KANK1: variants seen among roughly 807,000 people sequenced by gnomAD.
The protein encoded by KANK1 is KN motif and ankyrin repeat domain-containing protein 1.
Under a neutral mutation model 106.2 loss-of-function variants are expected in KANK1, and 109 were observed. The observed-to-expected ratio is 1.03, with a 90% CI of 0.88 to 1.20. The LOEUF (loss-of-function observed/expected upper bound fraction) is 1.20. KANK1 is among the 50% of genes most tolerant of loss of function. The pLI, the probability that KANK1 is intolerant of heterozygous loss-of-function variation, is 0.00. For synonymous variants in KANK1, 873 were observed against 652.2 expected, an observed-to-expected ratio of 1.34 and a Z score of -5.16; for missense variants, 2,399 against 1,710.7, an observed-to-expected ratio of 1.40 and a Z score of -7.10.
At chr9:551,443 C>T (rs1252935800) in intron 1 of KANK1, among the ~76,000 whole-genome samples, 29 of 152,012 alleles carry the variant, frequency 1.9e-4, no homozygotes, top group Admixed American at 1.8e-3. Flanking sequence ...TTTCTTGATT[C>T]TGCCTTTGGA....
intron 2 of KANK1, chr9:685,549 C>G (rs1013068688): frequency 3.9e-5 from 6 of 152,186 alleles, no homozygotes; most frequent in African/African-American, 1.4e-4. Context: ...CCAGATTTGC[C>G]TGATCCCTGA....
At chr9:474,639 C>G (rs1405155218) in intron 3 of KANK1, among the ~76,000 whole-genome samples, 1 of 152,190 alleles carries the variant, frequency 6.6e-6, no homozygotes, top group Admixed American at 6.5e-5. Flanking sequence ...TCCCTCCACT[C>G]TCCCATTATC....
At chr9:626,549 TAGG>T (rs1181979408) in intron 1 of KANK1, among the ~76,000 whole-genome samples, 2 of 152,220 alleles carry the variant, frequency 1.3e-5, no homozygotes, top group Admixed American at 6.5e-5. Flanking sequence ...AATTTTCACT[TAGG>T]AGGAGGCTGT....
At chr9:581,755 C>T (rs1822210310) in intron 1 of KANK1, among the ~76,000 whole-genome samples, 2 of 152,158 alleles carry the variant, frequency 1.3e-5, no homozygotes, top group African/African-American at 4.8e-5. Context: ...GTCATGATGT[C>T]AGGAAGGCCT....
intron 1 of KANK1, among the ~76,000 whole-genome samples, chr9:662,612 T>A (rs1278970626): frequency 1.3e-5 from 2 of 151,854 alleles, no homozygotes; most frequent in African/African-American, 4.8e-5. Flanking sequence ...ACTGGCTAAC[T>A]ATATTTAGAA....
chr9:668,348 A>ATCTC (rs35261485), intron 1 of KANK1, among the ~76,000 whole-genome samples: 127,359 of 151,450 alleles, frequency 0.84, 53,659 homozygotes, highest in East Asian at 0.97. Flanking sequence ...TTGTATTATA[A>ATCTC]TCTCTCTCTC....
intron 1 of KANK1, among the ~76,000 whole-genome samples, chr9:615,136 T>C (rs1056151339): frequency 6.6e-6 from 1 of 152,164 alleles, no homozygotes; most frequent in African/African-American, 2.4e-5. Flanking sequence ...GGTCTCCCTG[T>C]GTTGCCCAGA....
intron 2 of KANK1, among the ~76,000 whole-genome samples, chr9:688,889 G>A (rs565517088): frequency 6.6e-6 from 1 of 152,300 alleles, no homozygotes; most frequent in African/African-American, 2.4e-5. Flanking sequence ...ACCTGAGCTG[G>A]TAGCCCCTGG....
chr9:671,902 C>G (rs10815457), intron 1 of KANK1, among the ~76,000 whole-genome samples: 1 of 151,378 alleles, frequency 6.6e-6, no homozygotes, highest in Non-Finnish European at 1.5e-5. Flanking sequence ...GAGCTGAGAT[C>G]GCGCCACTGC....
At chr9:669,908 GTATAA>G (rs745438617) in intron 1 of KANK1, among the ~76,000 whole-genome samples, 3 of 152,006 alleles carry the variant, frequency 2.0e-5, no homozygotes, top group East Asian at 3.9e-4. Context: ...GGCAATCTTT[GTATAA>G]TATATTTCCA....
In KANK1 at chr9:725,308, C is replaced by T. The variant is rs762134545; in HGVS notation, c.2699-4743C>T. ...AGGAGTTTGAGGCCAGGCTAACCAA[C>T]ATGGTAAAACTCAGTCTCTACTAAA... On this transcript the variant is annotated intron_variant, in intron 3 of 11. Transcript: ENST00000382297. Among the ~76,000 whole-genome samples, 7 of 152,048 alleles carry T rather than the reference C, an allele frequency of 4.6e-5. No homozygotes were observed. In the South Asian group the frequency reaches 6.2e-4, roughly 14 times the overall value.
intron 1 of KANK1, among the ~76,000 whole-genome samples, chr9:575,041 A>G (rs1388510163): frequency 3.3e-5 from 5 of 152,148 alleles, no homozygotes; most frequent in Non-Finnish European, 7.4e-5. Context: ...CTTTATGTTT[A>G]AAAAAACAAA....
At chr9:591,696 G>A (rs186568412) in intron 1 of KANK1, among the ~76,000 whole-genome samples, 93 of 151,792 alleles carry the variant, frequency 6.1e-4, no homozygotes, top group Admixed American at 2.8e-3. Flanking sequence ...ATGCAGTCTC[G>A]CCTAGGCTGG....
intron 1 of KANK1, among the ~76,000 whole-genome samples, chr9:667,292 A>G (rs749585967): frequency 2.0e-5 from 3 of 149,858 alleles, no homozygotes; most frequent in South Asian, 2.1e-4. Context: ...TTTGTTTCTG[A>G]TTTTATTTAT....
chr9:672,631 C>T (rs2138678310), intron 1 of KANK1, among the ~76,000 whole-genome samples: 1 of 152,256 alleles, frequency 6.6e-6, no homozygotes, highest in African/African-American at 2.4e-5. Flanking sequence ...TATATCAAAT[C>T]TCAATTTTAT....
At chr9:656,382 A>AT (rs1052713503) in intron 1 of KANK1, among the ~76,000 whole-genome samples, 14 of 152,130 alleles carry the variant, frequency 9.2e-5, no homozygotes, top group Non-Finnish European at 1.9e-4. Context: ...AGTGGTTGAT[A>AT]TTTGAATTAG....
chr9:564,543 A>G (rs1817342500), intron 1 of KANK1, among the ~76,000 whole-genome samples: 1 of 152,220 alleles, frequency 6.6e-6, no homozygotes, highest in South Asian at 2.1e-4. Context: ...TGAAACATAC[A>G]TAGTTGCAAT....
In KANK1 at chr9:710,992, C is replaced by T. The variant is rs767269190; in HGVS notation, c.226C>T (p.Pro76Ser). The T allele has an allele frequency of 3.9e-5, 63 of 1,614,028 alleles. No homozygotes were observed. The highest frequency in any genetic ancestry group is 5.3e-5 in the Non-Finnish European group (62 of 1,180,026). ...GAAGCCGTCCGTGCCATGCCCAGAA[C>T]CCAGGACCACATCTGGTCAGCAAGG... ...RRKPSVPCPE[P>S]RTTSGQQGIW... Residue 76 changes from proline to serine, a missense_variant, in exon 3 of 12, where the codon CCC becomes TCC. By Grantham distance (74) the Pro-to-Ser change is moderately conservative. Transcript: ENST00000382297.
chr9:694,005 G>A (rs895909886), intron 2 of KANK1, among the ~76,000 whole-genome samples: 1 of 152,164 alleles, frequency 6.6e-6, no homozygotes. Context: ...GTGAATGGTT[G>A]TACATATATA....
Sources: gnomAD v4.1 joint callset for allele counts (sites outside exome capture counted in the v4.1 genomes callset) on GRCh38, gnomAD v4.1.1 for gene constraint, MANE v1.5 for transcripts, NCBI Gene and HGNC (gene_info 2026-07-23, HGNC 2026-07-21) for gene names.